AVEN: variants seen among roughly 807,000 people sequenced by gnomAD.
AVEN encodes the protein cell death regulator Aven.
In AVEN, 41 loss-of-function variants were observed where a neutral mutation model predicts 38.1. The ratio of observed to expected loss-of-function variants is 1.08; its 90% confidence interval spans 0.84 to 1.40. AVEN has a LOEUF of 1.40. AVEN is among the 40% of genes most tolerant of loss of function. The pLI is 0.00. For synonymous variants in AVEN, 206 were observed against 171.8 expected (o/e 1.20, Z -1.56); for missense variants, 605 against 438.8 (o/e 1.38, Z -3.38).
intron 1 of AVEN, among the ~76,000 whole-genome samples, chr15:34,073,749 G>C (rs1900678525): frequency 6.6e-6 from 1 of 150,610 alleles, no homozygotes; most frequent in Admixed American, 6.6e-5. Context: ...TTGAACTCCT[G>C]ACCTTGGGTG....
chr15:33,930,185 A>G (rs1893786839), intron 2 of AVEN, among the ~76,000 whole-genome samples: 1 of 152,168 alleles, frequency 6.6e-6, no homozygotes. Context: ...ATCTTTCTCC[A>G]TCCTTCTGGT....
the AVEN span, chr15:33,852,935 G>T: frequency 8.7e-6 from 8 of 915,884 alleles, no homozygotes; most frequent in Non-Finnish European, 1.4e-5. Flanking sequence ...TGGTGAGCAG[G>T]ACACAAACCA....
At chr15:34,033,719 G>A (rs537504802) in intron 1 of AVEN, among the ~76,000 whole-genome samples, 1 of 152,124 alleles carries the variant, frequency 6.6e-6, no homozygotes, top group Non-Finnish European at 1.5e-5. Context: ...GGGAGATGGG[G>A]AATTAAAATA....
chr15:33,974,391 A>G (rs904761352), intron 2 of AVEN, among the ~76,000 whole-genome samples: 9 of 152,178 alleles, frequency 5.9e-5, no homozygotes, highest in African/African-American at 1.2e-4. Context: ...TACCTATGTT[A>G]TATCTCCCCA....
At chr15:33,917,161 A>C (rs1893168844) in intron 2 of AVEN, among the ~76,000 whole-genome samples, 1 of 152,130 alleles carries the variant, frequency 6.6e-6, no homozygotes, top group South Asian at 2.1e-4. Flanking sequence ...AACAGTGTGG[A>C]GATTCCTTAA....
rs574626021 is a variant in AVEN, at chr15:33,860,614, C to T, written n.2730-1520G>A. On this transcript the variant is annotated intron_variant and non_coding_transcript_variant, in intron 11 of 11. Coordinates refer to the AVEN transcript ENST00000675287. ...TTCCAGGTCTTATTATTGATGCTTT[C>T]GGAGAGCTAAGAGACCAGCAGGAAC... The T allele has an allele frequency of 2.1e-5, 33 of 1,590,414 alleles. No homozygotes were observed. Among genetic ancestry groups the T allele is most frequent in the South Asian group, 5.8e-5 (5 of 86,918 alleles).
chr15:33,853,101 G>A, the AVEN span: 1 of 1,579,646 alleles, frequency 6.3e-7, no homozygotes, highest in Non-Finnish European at 8.6e-7. Flanking sequence ...TGCCTTGTTA[G>A]TGGGGGTGAG....
rs566901227 is a variant in AVEN, at chr15:33,924,695, A to G, written c.446-48700T>C. 4.9e-4 allele frequency among the ~76,000 whole-genome samples: 74 copies of G among 152,318 alleles called. No homozygotes were observed. In the South Asian group the frequency reaches 0.015, roughly 31 times the overall value. Reference sequence around the variant, plus strand: ...TCAAATACGTTCATGGAGTTTTTCAAAGCATTTTGAAGTATTAAATTATTT... The same window carrying G: ...TCAAATACGTTCATGGAGTTTTTCAGAGCATTTTGAAGTATTAAATTATTT... On this transcript the variant is annotated intron_variant, in intron 2 of 5. Coordinates refer to ENST00000306730, the MANE Select transcript of AVEN (RefSeq NM_020371.3).
intron 2 of AVEN, among the ~76,000 whole-genome samples, chr15:33,986,760 G>A (rs572757379): frequency 9.0e-6 from 1 of 111,212 alleles, no homozygotes; most frequent in South Asian, 2.6e-4. Context: ...AGGTTCAAGC[G>A]ATTCTCCTGT....
In AVEN at chr15:33,933,197, G is replaced by C. The variant is rs552854697; in HGVS notation, c.446-57202C>G. 3.3e-5 allele frequency among the ~76,000 whole-genome samples: 5 copies of C among 152,058 alleles called. No homozygotes were observed. In the East Asian group the frequency reaches 9.6e-4, roughly 29 times the overall value. ...CAGTATCACAAAGGTTATTATTATA[G>C]GTAGGTTACGACAACTCTGTGTCGT... On this transcript the variant is annotated intron_variant, in intron 2 of 5. Transcript: ENST00000306730.
Position 34,070,951 on chromosome 15 carries a change from T to G in AVEN, n.721-300A>C, listed in dbSNP as rs1178710001. Among the ~76,000 whole-genome samples the G allele has an allele frequency of 2.6e-5, 4 of 152,208 alleles. No individual in the cohort carries two copies. The East Asian group carries it at 7.7e-4, about 29-fold the overall frequency. The stretch of plus-strand genomic sequence containing the variant: ...GGCAAAGAAAGCCAAGGTCTAACTC[T>G]GCTCACTGGGCTTGACTACCACCCT... On this transcript the variant is annotated intron_variant and non_coding_transcript_variant, in intron 1 of 11. Coordinates refer to the AVEN transcript ENST00000675287.
At chr15:33,879,461 G>C (rs1025199175) in intron 2 of AVEN, among the ~76,000 whole-genome samples, 5 of 150,648 alleles carry the variant, frequency 3.3e-5, no homozygotes, top group African/African-American at 9.8e-5. Flanking sequence ...TAAATGACGA[G>C]TTAATGGGTG....
chr15:33,933,522 CACAGAGAGAGAGAGAGAGAGAG>C (rs1293209886), intron 2 of AVEN, among the ~76,000 whole-genome samples: 1,759 of 52,912 alleles, frequency 0.033, 16 homozygotes, highest in Non-Finnish European at 0.051. Flanking sequence ...CACACACACA[CACAGAGAGAGAGAGAGAGAGAG>C]AGAGAGAGAG....
intron 2 of AVEN, among the ~76,000 whole-genome samples, chr15:33,973,183 T>C (rs541215642): frequency 1.3e-5 from 2 of 152,342 alleles, no homozygotes; most frequent in African/African-American, 4.8e-5. Flanking sequence ...TCAGACTACG[T>C]GGGCCTTCTT....
chr15:34,053,319 A>AAAAATATATATAT (rs775436850), intron 5 of AVEN, among the ~76,000 whole-genome samples: 9 of 42,062 alleles, frequency 2.1e-4, no homozygotes, highest in African/African-American at 7.2e-4. Flanking sequence ...AAAAAAAAAA[A>AAAAATATATATAT]ATATATATAT....
At chr15:34,007,002 T>G in intron 1 of AVEN, 2 of 914,670 alleles carry the variant, frequency 2.2e-6, no homozygotes, top group Non-Finnish European at 1.3e-6. Context: ...CATATAAATA[T>G]TGTTACAAAA....
intron 2 of AVEN, among the ~76,000 whole-genome samples, chr15:33,961,695 C>A (rs577528981): frequency 1.3e-5 from 2 of 150,650 alleles, no homozygotes; most frequent in Admixed American, 1.3e-4. Context: ...CACCTGTAGT[C>A]CCAGCTACTC....
At chr15:34,038,547 C>CA (rs1899268093) in intron 1 of AVEN, among the ~76,000 whole-genome samples, 1 of 152,152 alleles carries the variant, frequency 6.6e-6, no homozygotes, top group African/African-American at 2.4e-5. Flanking sequence ...CTCCTACCCC[C>CA]ACTGTCTCGC....
At chr15:33,962,919 C>CAAAAAAAAAAAAAA (rs57807791) in intron 2 of AVEN, among the ~76,000 whole-genome samples, 1 of 81,948 alleles carries the variant, frequency 1.2e-5, no homozygotes, top group African/African-American at 5.4e-5. Flanking sequence ...AACTCGTTCT[C>CAAAAAAAAAAAAAA]AAAAAAAAAA....
Sources: gnomAD v4.1 joint callset for allele counts (sites outside exome capture counted in the v4.1 genomes callset) on GRCh38, gnomAD v4.1.1 for gene constraint, MANE v1.5 for transcripts, NCBI Gene and HGNC (gene_info 2026-07-23, HGNC 2026-07-21) for gene names.